The following USP35 variants were observed in gnomAD, a reference collection of about 807,000 sequenced individuals.
USP35 encodes ubiquitin carboxyl-terminal hydrolase 35.
A neutral mutation model predicts 83.8 loss-of-function variants in USP35; 69 were observed. That is an observed-to-expected ratio of 0.82 (90% CI 0.68 to 1.01). USP35 has a LOEUF of 1.01. Ranked by LOEUF, USP35 falls within the 50% of genes least tolerant of loss-of-function variation. The pLI, the probability that USP35 is intolerant of heterozygous loss-of-function variation, is 0.00. For synonymous variants in USP35, 714 were observed against 589.5 expected, an observed-to-expected ratio of 1.21 and a Z score of -3.06; for missense variants, 1,503 against 1,362.5, an observed-to-expected ratio of 1.10 and a Z score of -1.62.
At position 78,208,955 on chromosome 11, in the gene USP35, G is replaced by T. The variant is rs1487631992; in HGVS notation, c.1584G>T (p.Leu528=). 5 of 1,614,020 alleles carry T rather than the reference G, an allele frequency of 3.1e-6. No homozygotes were observed. The highest frequency in any genetic ancestry group is 4.2e-6 in the Non-Finnish European group (5 of 1,179,982). The change falls in exon 9 of 11, where the codon CTG becomes CTT. Residue 528 remains leucine (L), a synonymous_variant. Transcript: ENST00000529308. ...QQDCSEYLKY[L]LDRLHEEEKT... ...ACTGCTCGGAGTATCTGAAGTACCT[G>T]CTGGATCGGTAAGGGGGCCAGGGCT...
chr11:78,210,325 C>A lies in USP35; in HGVS notation c.2470C>A (p.Leu824Met). 3 of 1,613,214 alleles carry A rather than the reference C, an allele frequency of 1.9e-6. No homozygotes were observed. The highest frequency in any genetic ancestry group is 2.2e-5 in the South Asian group (2 of 91,086). The change falls in exon 10 of 11, where the codon CTG becomes ATG. Residue 824 changes from leucine to methionine, a missense_variant. By Grantham distance (15) the Leu-to-Met change is conservative (BLOSUM62 2). Transcript: ENST00000529308. Reference protein sequence around the residue: ...DLRTMRRRKILDDVSIPLLLR... With the variant: ...DLRTMRRRKIMDDVSIPLLLR... Reference sequence around the variant, plus strand: ...GCGCACCATGCGGCGCCGCAAGATCCTGGATGACGTCTCCATCCCCCTGCT... The same window carrying A: ...GCGCACCATGCGGCGCCGCAAGATCATGGATGACGTCTCCATCCCCCTGCT...
chr11:78,195,331 G>C (rs564991720), intron 1 of USP35, among the ~76,000 whole-genome samples: 1 of 152,110 alleles, frequency 6.6e-6, no homozygotes, highest in South Asian at 2.1e-4. Flanking sequence ...TTGTGTGAGA[G>C]CATGGTGGTC....
the USP35 span, among the ~76,000 whole-genome samples, chr11:78,231,320 G>A: frequency 4.9e-5 from 7 of 142,018 alleles, no homozygotes; most frequent in Admixed American, 6.8e-5. Flanking sequence ...CCCTTGGTGC[G>A]CGCGCGCGCG....
chr11:78,209,087 G>A (rs377544598), intron 9 of USP35, 124 bp downstream of exon 9: 105 of 993,512 alleles, frequency 1.1e-4, no homozygotes, highest in Admixed American at 2.7e-4. Flanking sequence ...TGTGGAGGGC[G>A]TGGAGAAGGG....
At chr11:78,218,980 G>A, downstream of USP35, 1 of 370,572 alleles carries the variant, frequency 2.7e-6, no homozygotes, top group African/African-American at 2.1e-5. Context: ...CTAAAGGACA[G>A]GAAGAGGCTG....
At chr11:78,189,531 G>C (rs571592909) in intron 1 of USP35, among the ~76,000 whole-genome samples, 15 of 152,274 alleles carry the variant, frequency 9.9e-5, no homozygotes, top group African/African-American at 3.6e-4. Context: ...ACCATTGCTT[G>C]GAATGGGCTT....
At chr11:78,227,507 G>T in the USP35 span, among the ~76,000 whole-genome samples, 1 of 151,948 alleles carries the variant, frequency 6.6e-6, no homozygotes, top group Non-Finnish European at 1.5e-5. Flanking sequence ...AATTATTTGG[G>T]TCAGGTGCAG....
chr11:78,226,362 C>T, the USP35 span: 9 of 909,526 alleles, frequency 9.9e-6, no homozygotes, highest in African/African-American at 3.2e-5. Context: ...CTAGGTGGTT[C>T]GTAAGTTCCC....
At chr11:78,219,499 G>A (rs1032732659), downstream of USP35, 5 of 1,285,812 alleles carry the variant, frequency 3.9e-6, no homozygotes, top group African/African-American at 7.2e-5. Flanking sequence ...GGATCTTCCT[G>A]AGCTGTCTGA....
chr11:78,221,927 G>C, the USP35 span: 2 of 682,148 alleles, frequency 2.9e-6, no homozygotes, highest in Non-Finnish European at 5.3e-6. Context: ...TATAGGGCAG[G>C]TATAATTATT....
intron 10 of USP35, 121 bp from the exon 11 acceptor site, chr11:78,213,525 C>T: frequency 8.5e-7 from 1 of 1,181,852 alleles, no homozygotes; most frequent in African/African-American, 1.6e-5. Flanking sequence ...GCTGCAATGT[C>T]TCTGTGTGTC....
At position 78,196,134 on chromosome 11, in the gene USP35, A is replaced by G; in HGVS notation, c.-10-102A>G. On this transcript the variant is annotated intron_variant, in intron 1 of 10. Transcript: ENST00000529308. The surrounding 1 kb of genome is among the most constrained non-coding windows in gnomAD (Gnocchi z 4.8). Reference sequence around the variant, plus strand: ...CAGATGAGAAAACTGAGGCCCAGAAAGTTTGAGTTGCTTGCCCTAAGTCTC... The same window carrying G: ...CAGATGAGAAAACTGAGGCCCAGAAGGTTTGAGTTGCTTGCCCTAAGTCTC... 1 of 1,436,894 alleles carries G rather than the reference A, an allele frequency of 7.0e-7. No individual in the cohort carries two copies. Among genetic ancestry groups the G allele is most frequent in the Non-Finnish European group, 9.1e-7 (1 of 1,101,892 alleles). The allele number at this position is 1,436,894 out of a possible 1,614,324, so 89.0% of individuals were successfully genotyped here.
intron 9 of USP35, 100 bp downstream of exon 9, chr11:78,209,063 T>C: frequency 8.1e-7 from 1 of 1,228,710 alleles, no homozygotes; most frequent in Non-Finnish European, 1.1e-6. Context: ...GGAATAAGTG[T>C]GCTGCCTCCA....
At chr11:78,195,309 AC>A (rs1863111855) in intron 1 of USP35, among the ~76,000 whole-genome samples, 2 of 152,292 alleles carry the variant, frequency 1.3e-5, no homozygotes, top group South Asian at 4.2e-4. Flanking sequence ...GAAGGAAAAG[AC>A]GCTTGCTTGG....
chr11:78,234,238 G>C, the USP35 span, among the ~76,000 whole-genome samples: 5,167 of 152,014 alleles, frequency 0.034, 305 homozygotes, highest in African/African-American at 0.12. Flanking sequence ...ACATGTGACC[G>C]TGCCTGGCTA....
downstream of USP35, chr11:78,215,330 T>TCCAACACCACAGTA (rs1217757969): frequency 6.6e-6 from 1 of 152,512 alleles, no homozygotes; most frequent in Non-Finnish European, 1.5e-5. Flanking sequence ...ATTGTCCTGC[T>TCCAACACCACAGTA]CCAACACCAC....
In USP35 at chr11:78,211,841, G is replaced by A. The variant is rs141194539; in HGVS notation, c.2889+1097G>A. 5.1e-3 allele frequency among the ~76,000 whole-genome samples: 777 copies of A among 152,156 alleles called. 5 individuals are homozygous for A. The highest frequency in any genetic ancestry group is 0.018 in the African/African-American group (731 of 41,500). On this transcript the variant is annotated intron_variant, in intron 10 of 10. Coordinates refer to ENST00000529308, the MANE Select transcript of USP35 (RefSeq NM_020798.4). Reference sequence around the variant, plus strand: ...AAGTTCCTTGTAGACTCTGGATATCGGACTTAGGTCAGATGGGTAGTTTGC... The same window carrying A: ...AAGTTCCTTGTAGACTCTGGATATCAGACTTAGGTCAGATGGGTAGTTTGC...
the USP35 span, chr11:78,221,573 G>A: frequency 8.0e-6 from 5 of 625,324 alleles, no homozygotes; most frequent in Non-Finnish European, 1.5e-5. Flanking sequence ...AATACAAGGA[G>A]TCCCTGGGCT....
intron 2 of USP35, among the ~76,000 whole-genome samples, chr11:78,197,152 A>G (rs1331847018): frequency 7.0e-6 from 1 of 142,926 alleles, no homozygotes; most frequent in African/African-American, 2.5e-5. Flanking sequence ...AGGGAGGAGC[A>G]CACTGGTGTG....
Sources: gnomAD v4.1 joint callset for allele counts (sites outside exome capture counted in the v4.1 genomes callset) on GRCh38, gnomAD v4.1.1 for gene constraint, Gnocchi (gnomAD v3.1) non-coding constraint, MANE v1.5 for transcripts, NCBI Gene and HGNC (gene_info 2026-07-23, HGNC 2026-07-21) for gene names.